ERBB4: variants seen among roughly 807,000 people sequenced by gnomAD.
ERBB4 encodes receptor tyrosine-protein kinase erbB-4.
A neutral mutation model predicts 158.0 loss-of-function variants in ERBB4; 42 were observed. The observed-to-expected ratio is 0.27, with a 90% confidence interval of 0.21 to 0.34. The LOEUF (loss-of-function observed/expected upper bound fraction) is 0.34, where lower values mean the gene tolerates loss of function less well. Ranked by LOEUF, ERBB4 falls within the 10% of genes least tolerant of loss-of-function variation. The probability of loss-of-function intolerance (pLI) is 1.00; values close to 1 mark genes in which losing one functional copy is unlikely to be tolerated. For synonymous variants in ERBB4, 583 were observed against 558.7 expected (o/e 1.04, Z -0.61); for missense variants, 1,333 against 1,624.1 (o/e 0.82, Z 3.08).
chr2:212,112,374 T>C (rs920022382), intron 2 of ERBB4, among the ~76,000 whole-genome samples: 1 of 152,290 alleles, frequency 6.6e-6, no homozygotes, highest in South Asian at 2.1e-4. Context: ...TAGCTCTGTC[T>C]GCTCAGGGTC....
At chr2:211,520,159 A>G (rs980728932) in intron 20 of ERBB4, among the ~76,000 whole-genome samples, 2 of 152,254 alleles carry the variant, frequency 1.3e-5, no homozygotes, top group African/African-American at 4.8e-5. Context: ...TTAGCAATAC[A>G]TTTGTTGGTA....
At chr2:212,355,480 G>A (rs1222490337) in intron 1 of ERBB4, among the ~76,000 whole-genome samples, 2 of 151,982 alleles carry the variant, frequency 1.3e-5, no homozygotes, top group Non-Finnish European at 2.9e-5. Context: ...AGTGGCACTT[G>A]GCCCAGCTTT....
In ERBB4 at chr2:212,133,918, AG is replaced by A. The variant is rs201777418; in HGVS notation, c.83-9016del. Among the ~76,000 whole-genome samples the A allele has an allele frequency of 6.9e-3, 1,055 of 152,318 alleles. 7 individuals are homozygous for A. Among genetic ancestry groups the A allele is most frequent in the Middle Eastern group, 0.024 (7 of 294 alleles). ...TTGAGCAAATCACTTCATCACTTTG[AG>A]TCTTGGTTTCCCTGTCTACAAAGTA... On this transcript the variant is annotated intron_variant, in intron 1 of 27. Transcript: ENST00000342788.
intron 1 of ERBB4, among the ~76,000 whole-genome samples, chr2:212,162,770 A>G (rs1362135951): frequency 6.6e-6 from 1 of 151,950 alleles, no homozygotes; most frequent in Non-Finnish European, 1.5e-5. Flanking sequence ...TGATGGATAT[A>G]TTGTTTCAAG....
intron 1 of ERBB4, among the ~76,000 whole-genome samples, chr2:212,418,579 C>T (rs866702326): frequency 1.3e-5 from 2 of 150,620 alleles, no homozygotes; most frequent in South Asian, 4.2e-4. Context: ...AAATAAAATG[C>T]TTTAGTTCCC....
chr2:212,212,643 C>T (rs550058709), intron 1 of ERBB4, among the ~76,000 whole-genome samples: 100 of 152,092 alleles, frequency 6.6e-4, no homozygotes, highest in Middle Eastern at 3.4e-3. Context: ...AAGCTGGAGG[C>T]GTCAGGCTAC....
intron 2 of ERBB4, among the ~76,000 whole-genome samples, chr2:212,099,495 T>A (rs2079022632): frequency 6.6e-6 from 1 of 152,178 alleles, no homozygotes; most frequent in Admixed American, 6.5e-5. Context: ...TACCAACAGG[T>A]ATGTCTTTCC....
At chr2:211,412,814 T>C (rs1231396854) in intron 25 of ERBB4, among the ~76,000 whole-genome samples, 1 of 150,202 alleles carries the variant, frequency 6.7e-6, no homozygotes, top group Non-Finnish European at 1.5e-5. Flanking sequence ...ATTAGCCGAG[T>C]GTGGTGGCGT....
intron 1 of ERBB4, among the ~76,000 whole-genome samples, chr2:212,146,349 T>G (rs989601464): frequency 2.6e-5 from 4 of 152,190 alleles, no homozygotes; most frequent in Non-Finnish European, 4.4e-5. Flanking sequence ...CACCCTGTTT[T>G]CAGCCTCAAC....
At chr2:211,986,162 A>C (rs2081931655) in intron 2 of ERBB4, among the ~76,000 whole-genome samples, 1 of 152,180 alleles carries the variant, frequency 6.6e-6, no homozygotes, top group South Asian at 2.1e-4. Context: ...AGTCAGGAGA[A>C]AGACCTGGAA....
At chr2:211,990,211 T>G (rs2125251656) in intron 2 of ERBB4, among the ~76,000 whole-genome samples, 1 of 152,094 alleles carries the variant, frequency 6.6e-6, no homozygotes, top group African/African-American at 2.4e-5. Context: ...GATTTTTGTG[T>G]AGGTGACGAA....
At chr2:211,415,050 G>C (rs898967784) in intron 25 of ERBB4, among the ~76,000 whole-genome samples, 1 of 149,938 alleles carries the variant, frequency 6.7e-6, no homozygotes, top group Admixed American at 6.6e-5. Context: ...TTTCATAAAG[G>C]GACAGGATTT....
intron 1 of ERBB4, among the ~76,000 whole-genome samples, chr2:212,164,557 GA>G (rs1166322336): frequency 6.6e-6 from 1 of 151,780 alleles, no homozygotes; most frequent in African/African-American, 2.4e-5. Flanking sequence ...AGGGGGGAAG[GA>G]AAAAAGATGT....
At chr2:211,499,254 G>C (rs1199593780) in intron 20 of ERBB4, among the ~76,000 whole-genome samples, 2 of 152,070 alleles carry the variant, frequency 1.3e-5, no homozygotes, top group Non-Finnish European at 2.9e-5. Flanking sequence ...GCCGGGTGCC[G>C]TGGCTCACGC....
rs570097513 is a variant in ERBB4, at chr2:212,101,684, T to C, written c.234+23068A>G. ...GGTCAGTTAAGTCAGAAATTCCTTA[T>C]AAAAGCACCCTAAACATTGTTCAAG... On this transcript the variant is annotated intron_variant, in intron 2 of 27. Transcript: ENST00000342788. 8.0e-4 allele frequency among the ~76,000 whole-genome samples: 122 copies of C among 152,166 alleles called. 1 individual carries two copies. Among genetic ancestry groups the C allele is most frequent in the Non-Finnish European group, 1.4e-3 (96 of 67,952 alleles).
chr2:212,028,551 G>A (rs749082211), intron 2 of ERBB4, among the ~76,000 whole-genome samples: 4 of 151,982 alleles, frequency 2.6e-5, no homozygotes, highest in South Asian at 2.1e-4. Context: ...CTTTTGTTTC[G>A]TTGTTCCATT....
intron 20 of ERBB4, among the ~76,000 whole-genome samples, chr2:211,535,388 A>T (rs148553605): frequency 6.6e-6 from 1 of 152,046 alleles, no homozygotes; most frequent in African/African-American, 2.4e-5. Flanking sequence ...TTACGGATGT[A>T]TATTAAAATA....
chr2:211,775,574 G>T (rs60062721), intron 4 of ERBB4, among the ~76,000 whole-genome samples: 21,741 of 152,178 alleles, frequency 0.14, 1,752 homozygotes, highest in South Asian at 0.33. Flanking sequence ...GATGCTTTGG[G>T]TTAAGCTACA....
Position 211,838,390 on chromosome 2 carries a change from CAT to C in ERBB4, c.422-50233_422-50232del, listed in dbSNP as rs139123704. Among the ~76,000 whole-genome samples, 1,341 of 152,188 alleles carry C rather than the reference CAT, an allele frequency of 8.8e-3. 20 individuals carry two copies. Among genetic ancestry groups the C allele is most frequent in the African/African-American group, 0.031 (1,300 of 41,534 alleles). ...TTTAACTTGAGATAATTTTAAAACACATGTTAAATATCACATATGATACAGCT... is the reference window on the plus strand; with the variant it reads ...TTTAACTTGAGATAATTTTAAAACACGTTAAATATCACATATGATACAGCT... On this transcript the variant is annotated intron_variant, in intron 3 of 27. Transcript: ENST00000342788.
Sources: gnomAD v4.1 joint callset for allele counts (sites outside exome capture counted in the v4.1 genomes callset) on GRCh38, gnomAD v4.1.1 for gene constraint, MANE v1.5 for transcripts, NCBI Gene and HGNC (gene_info 2026-07-23, HGNC 2026-07-21) for gene names.